PDZD7: variants seen among roughly 807,000 people sequenced by gnomAD.
PDZD7 encodes the protein PDZ domain-containing protein 7.
A neutral mutation model predicts 84.7 loss-of-function variants in PDZD7; 72 were observed. The observed-to-expected ratio is 0.85, with a 90% CI of 0.70 to 1.03. PDZD7 has a LOEUF of 1.03. Among genes scored for constraint, PDZD7 ranks in the 50% least tolerant of loss-of-function variants. The probability of loss-of-function intolerance (pLI) is 0.00; values close to 1 mark genes in which losing one functional copy is unlikely to be tolerated. For missense variants in PDZD7, 1,490 were observed against 1,412.9 expected (o/e 1.05, Z -0.87); for synonymous variants, 594 against 580.7 (o/e 1.02, Z -0.33).
At chr10:101,015,540 G>T in intron 11 of PDZD7, 96 bp downstream of exon 11, 1 of 1,429,304 alleles carries the variant, frequency 7.0e-7, no homozygotes, top group South Asian at 1.4e-5. Flanking sequence ...CTGGTGTCAA[G>T]CCCAGACACT....
intron 13 of PDZD7, 79 bp from the exon 14 acceptor site, chr10:101,011,840 A>G: frequency 6.5e-7 from 1 of 1,550,086 alleles, no homozygotes. Context: ...GGGCTCGGCA[A>G]TCTCTGCAGC....
intron 2 of PDZD7, among the ~76,000 whole-genome samples, chr10:101,029,127 G>A (rs924574025): frequency 4.6e-5 from 7 of 152,170 alleles, no homozygotes; most frequent in African/African-American, 7.2e-5. Flanking sequence ...GCCTGGCTCC[G>A]CACCTGGCAT....
chr10:101,013,324 A>G (rs544488991), intron 11 of PDZD7, among the ~76,000 whole-genome samples: 2 of 152,332 alleles, frequency 1.3e-5, no homozygotes, highest in South Asian at 4.1e-4. Context: ...CAGCAGGGGC[A>G]CAATGATCCT....
In PDZD7 at chr10:101,008,237, G is replaced by C. The variant is rs139956253; in HGVS notation, c.*230C>G. 1.5e-5 allele frequency: 8 copies of C among 536,238 alleles called. No homozygotes were observed. Among genetic ancestry groups the C allele is most frequent in the African/African-American group, 1.3e-4 (7 of 53,288 alleles). 33.2% of individuals were successfully genotyped at this position (536,238 alleles called of 1,614,324 possible). A position where few individuals can be genotyped will look rare whatever the true frequency, so the allele number is the denominator to read the frequency against. ...TCCTGGCTTGGGAGGTTGGGGAGCA[G>C]TGAGTGCAGGTGACACAGGCTGCCC... On this transcript the variant is annotated 3_prime_UTR_variant, in exon 17 of 17. Coordinates refer to ENST00000619208, the MANE Select transcript of PDZD7 (RefSeq NM_001195263.2).
At chr10:101,011,655 T>G in intron 14 of PDZD7, 35 bp downstream of exon 14, 1 of 1,536,354 alleles carries the variant, frequency 6.5e-7, no homozygotes, top group Non-Finnish European at 8.7e-7. Flanking sequence ...TCCCCAGGGC[T>G]GTGCCCCTCC....
At chr10:101,023,696 C>A (rs1303253622) in intron 3 of PDZD7, 86 bp from the exon 4 acceptor site, 3 of 1,528,850 alleles carry the variant, frequency 2.0e-6, no homozygotes, top group African/African-American at 1.4e-5. Flanking sequence ...TGGGGTCAAA[C>A]TGAGCTTCTC....
In PDZD7 at chr10:101,018,116, C is replaced by G; in HGVS notation, c.1505G>C (p.Arg502Pro). The stretch of plus-strand genomic sequence containing the variant: ...CTACTTACCTTTCTCTATGTCCAGG[C>G]GAGGGTAAGTTTTGGCCAGGCTCCC... Reference protein sequence around the residue: ...DSGSLAKTYPRLDIEKAGGVG... With the variant: ...DSGSLAKTYPPLDIEKAGGVG... Residue 502 changes from arginine (R) to proline (P), a missense_variant, in exon 9 of 17, where the codon CGC becomes CCC. Transcript: ENST00000619208. 6.2e-7 allele frequency: 1 copy of G among 1,614,146 alleles called. No individual in the cohort carries two copies.
intron 2 of PDZD7, 139 bp from the exon 3 acceptor site, chr10:101,024,207 G>T: frequency 1.7e-6 from 2 of 1,157,632 alleles, no homozygotes; most frequent in African/African-American, 1.5e-5. Flanking sequence ...ATGCAGTGGG[G>T]CAGGTCAGCC....
In PDZD7 at chr10:101,019,049, G is replaced by C; in HGVS notation, c.1097C>G (p.Ala366Gly). 1 of 1,572,918 alleles carries C rather than the reference G, an allele frequency of 6.4e-7. No homozygotes were observed. Among genetic ancestry groups the C allele is most frequent in the Non-Finnish European group, 8.6e-7 (1 of 1,165,002 alleles). ...PGSRGPGWGRADTAMQTEPDA... is the reference protein window; with the variant it reads ...PGSRGPGWGRGDTAMQTEPDA... ...GGGCTCCGTCTGCATGGCTGTGTCCGCCCGCCCCCAGCCTGGGCCGCGGCT... is the reference window on the plus strand; with the variant it reads ...GGGCTCCGTCTGCATGGCTGTGTCCCCCCGCCCCCAGCCTGGGCCGCGGCT... Residue 366 changes from alanine to glycine, a missense_variant, in exon 8 of 17, where the codon GCG becomes GGG. Physicochemically the swap from Ala to Gly is moderately conservative, Grantham distance 60 (BLOSUM62 0). Coordinates refer to ENST00000619208, the MANE Select transcript of PDZD7 (RefSeq NM_001195263.2).
chr10:101,030,454 C>A, intron 1 of PDZD7, 70 bp from the exon 2 acceptor site: 1 of 653,726 alleles, frequency 1.5e-6, no homozygotes, highest in Non-Finnish European at 2.8e-6. Context: ...AACTTCCACC[C>A]CTCCCCCTGG....
At chr10:101,025,522 T>TATTA (rs560029982) in intron 2 of PDZD7, among the ~76,000 whole-genome samples, 132 of 138,042 alleles carry the variant, frequency 9.6e-4, no homozygotes, top group African/African-American at 3.4e-3. Context: ...ATGGAAGGGA[T>TATTA]TTTATTTATT....
intron 11 of PDZD7, among the ~76,000 whole-genome samples, chr10:101,014,243 G>T (rs979908562): frequency 2.6e-5 from 4 of 151,998 alleles, no homozygotes; most frequent in African/African-American, 9.7e-5. Context: ...TGGAGTTCAG[G>T]GCTACATGCC....
At chr10:101,023,070 CTTTTTTTTTT>C (rs1161602421) in intron 4 of PDZD7, 187 of 127,848 alleles carry the variant, frequency 1.5e-3, no homozygotes, top group South Asian at 0.01. Context: ...CCATGCCCGG[CTTTTTTTTTT>C]TTTTTTTTTT....
chr10:101,029,591 G>C (rs1937944517), intron 2 of PDZD7, among the ~76,000 whole-genome samples: 1 of 152,206 alleles, frequency 6.6e-6, no homozygotes, highest in South Asian at 2.1e-4. Flanking sequence ...TCACACAATG[G>C]ACTGGTTGAT....
intron 1 of PDZD7, among the ~76,000 whole-genome samples, 154 bp downstream of exon 1, chr10:101,030,919 C>T (rs954221032): frequency 3.3e-5 from 5 of 152,206 alleles, no homozygotes; most frequent in Non-Finnish European, 7.3e-5. Context: ...CTCTCCCAAG[C>T]TTTGGGGAGG....
chr10:101,025,714 A>AT (rs1276085213), intron 2 of PDZD7, among the ~76,000 whole-genome samples: 1 of 150,120 alleles, frequency 6.7e-6, no homozygotes, highest in Non-Finnish European at 1.5e-5. Flanking sequence ...CGCCCGGCTA[A>AT]TTTTTTGTAT....
intron 6 of PDZD7, 57 bp downstream of exon 6, chr10:101,021,740 TG>T (rs1232732911): frequency 8.7e-5 from 140 of 1,611,512 alleles, no homozygotes; most frequent in Non-Finnish European, 8.5e-7. Context: ...AGAACTAGGG[TG>T]GTCTGGGAAG....
chr10:101,009,960 T>C (rs959817127), intron 15 of PDZD7, among the ~76,000 whole-genome samples: 1 of 151,388 alleles, frequency 6.6e-6, no homozygotes, highest in African/African-American at 2.4e-5. Context: ...GCAACCTCAG[T>C]TGGGCTCACG....
In PDZD7 at chr10:101,018,935, G is replaced by A. The variant is rs557239500; in HGVS notation, c.1211C>T (p.Pro404Leu). The A allele has an allele frequency of 1.2e-6, 2 of 1,603,142 alleles. No individual in the cohort carries two copies. The highest frequency in any genetic ancestry group is 1.1e-5 in the South Asian group (1 of 89,044). ...DTAIRSDGPH[P>L]GRRLDSALSE... is the part of the protein sequence containing the mutation. ...GAGCGCAGAGTCAAGGCGGCGGCCG[G>A]GATGGGGGCCGTCCGAGCGGATGGC... is the stretch of plus-strand genomic sequence containing the variant. The change falls in exon 8 of 17, where the codon CCC (proline) becomes CTC (leucine). Residue 404 changes from proline to leucine, a missense_variant. Pro to Leu is a moderately conservative substitution (Grantham distance 98). Transcript: ENST00000619208.
Sources: gnomAD v4.1 joint callset for allele counts (sites outside exome capture counted in the v4.1 genomes callset) on GRCh38, gnomAD v4.1.1 for gene constraint, MANE v1.5 for transcripts, NCBI Gene and HGNC (gene_info 2026-07-23, HGNC 2026-07-21) for gene names.